The following STAB2 variants were observed in gnomAD, a reference collection of about 807,000 sequenced individuals.
The protein encoded by STAB2 is stabilin 2.
In STAB2, 288 loss-of-function variants were observed where a neutral mutation model predicts 338.1. The observed-to-expected ratio is 0.85, with a 90% CI of 0.77 to 0.94. The LOEUF (loss-of-function observed/expected upper bound fraction) is 0.94. STAB2 is among the 40% of genes least tolerant of loss of function. The pLI is 0.00. For synonymous variants in STAB2, 1,202 were observed against 1,193.3 expected, an observed-to-expected ratio of 1.01 and a Z score of -0.15; for missense variants, 3,141 against 3,210.1, an observed-to-expected ratio of 0.98 and a Z score of 0.52.
intron 3 of STAB2, among the ~76,000 whole-genome samples, chr12:103,604,826 A>G (rs1957003751): frequency 1.3e-5 from 2 of 150,690 alleles, no homozygotes; most frequent in Admixed American, 1.3e-4. Context: ...TTGCTTTTCT[A>G]ATTTTTATTT....
chr12:103,663,958 A>G (rs958354848), intron 18 of STAB2, among the ~76,000 whole-genome samples: 17 of 152,064 alleles, frequency 1.1e-4, no homozygotes, highest in African/African-American at 4.1e-4. Context: ...TGTAAGAGGG[A>G]CTTAAAATAG....
At chr12:103,709,931 T>C (rs114612043) in intron 39 of STAB2, among the ~76,000 whole-genome samples, 1,555 of 152,260 alleles carry the variant, frequency 0.01, 27 homozygotes, top group African/African-American at 0.036. Flanking sequence ...ATGCACCTGG[T>C]CACCCAATCT....
rs569084055 is a variant in STAB2 at position 103,613,615 on chromosome 12, C to T, written c.332-6853C>T. 7.2e-5 allele frequency among the ~76,000 whole-genome samples: 11 copies of T among 152,290 alleles called. No homozygotes were observed. The South Asian group carries it at 2.3e-3, about 32-fold the overall frequency. The stretch of plus-strand genomic sequence containing the variant: ...CTTTCCTTGGCTAGGAAAGGGAATT[C>T]CCTGACCCCTTGCACTTCCCGGGCG... On this transcript the variant is annotated intron_variant, in intron 3 of 68. Transcript: ENST00000388887.
intron 30 of STAB2, among the ~76,000 whole-genome samples, chr12:103,692,128 G>T (rs1274499997): frequency 6.6e-6 from 1 of 152,208 alleles, no homozygotes; most frequent in East Asian, 1.9e-4. Flanking sequence ...ATGTGGGCAG[G>T]ATTGGTTCCT....
At chr12:103,613,891 C>T (rs568102050) in intron 3 of STAB2, among the ~76,000 whole-genome samples, 10 of 152,148 alleles carry the variant, frequency 6.6e-5, no homozygotes, top group Non-Finnish European at 1.5e-4. Flanking sequence ...TCTTTTATTT[C>T]TCAGTCTTTA....
chr12:103,634,611 A>C (rs1957514647), intron 6 of STAB2, among the ~76,000 whole-genome samples: 1 of 152,254 alleles, frequency 6.6e-6, no homozygotes, highest in African/African-American at 2.4e-5. Flanking sequence ...AAATAAATGA[A>C]TCTTTTCGGT....
intron 42 of STAB2, 103 bp from the exon 43 acceptor site, chr12:103,715,712 C>T (rs11111726): frequency 0.052 from 67,927 of 1,303,174 alleles, 2,202 homozygotes; most frequent in Non-Finnish European, 0.064. Context: ...CTTTGACACC[C>T]GCTCCCTTCA....
chr12:103,690,023 C>G (rs1279535526), intron 29 of STAB2, 41 bp downstream of exon 29: 2 of 1,599,208 alleles, frequency 1.3e-6, no homozygotes, highest in Admixed American at 1.7e-5. Context: ...ATCTGAATGG[C>G]ATCTGTGTAA....
chr12:103,743,404 A>C (rs1275171771), intron 56 of STAB2, among the ~76,000 whole-genome samples: 2 of 152,148 alleles, frequency 1.3e-5, no homozygotes, highest in African/African-American at 4.8e-5. Context: ...TACAGACACA[A>C]ATTTTTCTAA....
intron 65 of STAB2, among the ~76,000 whole-genome samples, chr12:103,760,435 AT>A (rs1441841653): frequency 6.6e-6 from 1 of 152,108 alleles, no homozygotes; most frequent in Non-Finnish European, 1.5e-5. Context: ...TGATTTTTGT[AT>A]TTTTAATAGA....
chr12:103,602,761 A>T (rs1201420292), intron 3 of STAB2, among the ~76,000 whole-genome samples: 2 of 151,948 alleles, frequency 1.3e-5, no homozygotes, highest in African/African-American at 4.8e-5. Flanking sequence ...TTGTTTTCTT[A>T]TTATTGAGTT....
rs747241076 is a variant in STAB2, at chr12:103,727,328, C to A, written c.4913C>A (p.Ala1638Glu). Residue 1638 changes from alanine (A) to glutamate (E), a missense_variant, in exon 47 of 69, where the codon GCA becomes GAA. Ala to Glu is a moderately radical substitution (Grantham distance 107). Transcript: ENST00000388887. The stretch of plus-strand genomic sequence containing the variant: ...TTCACTGTTTTTGCACCTTTATCTG[C>A]AGCCTTTGATGAGGAAGCTCGGGTG... ...GPFTVFAPLSAAFDEEARVKD... is the reference protein window; with the variant it reads ...GPFTVFAPLSEAFDEEARVKD... The A allele has an allele frequency of 1.6e-5, 26 of 1,614,120 alleles. No individual in the cohort carries two copies. The South Asian group carries it at 2.9e-4, about 18-fold the overall frequency.
At chr12:103,766,148 C>CACAA (rs762903035) in intron 68 of STAB2, 138 bp from the exon 69 acceptor site, 2 of 1,183,314 alleles carry the variant, frequency 1.7e-6, no homozygotes, top group Admixed American at 1.9e-5. Flanking sequence ...AAGGCAGCAG[C>CACAA]ACAAACAAAC....
intron 37 of STAB2, 29 bp from the exon 38 acceptor site, chr12:103,706,763 C>A: frequency 6.2e-7 from 1 of 1,613,480 alleles, no homozygotes; most frequent in Admixed American, 1.7e-5. Flanking sequence ...GATAGAAGTG[C>A]GTTGTCAAGC....
intron 3 of STAB2, among the ~76,000 whole-genome samples, chr12:103,595,903 G>C (rs1474496641): frequency 6.6e-6 from 1 of 152,096 alleles, no homozygotes; most frequent in African/African-American, 2.4e-5. Context: ...TTGATTGGCA[G>C]GTCCTTTCTG....
At chr12:103,635,258 T>C (rs1957526117) in intron 6 of STAB2, among the ~76,000 whole-genome samples, 1 of 152,200 alleles carries the variant, frequency 6.6e-6, no homozygotes, top group Admixed American at 6.5e-5. Context: ...GCCACCCTTT[T>C]TGCCTGCTCG....
intron 13 of STAB2, chr12:103,654,991 G>A: frequency 1.8e-6 from 1 of 548,510 alleles, no homozygotes; most frequent in Non-Finnish European, 3.1e-6. Flanking sequence ...ATATTTTATA[G>A]AGGGCAGTTA....
chr12:103,622,645 C>T lies in STAB2; in HGVS notation c.487+534C>T, dbSNP rs112818175. ...ATTAGTTCACTTTAACATGTGTAAC[C>T]AAGTCTACATAGAGAAAACAAAACA... is the stretch of plus-strand genomic sequence containing the variant. On this transcript the variant is annotated intron_variant, in intron 5 of 68. Transcript: ENST00000388887. Among the ~76,000 whole-genome samples the T allele has an allele frequency of 6.2e-3, 951 of 152,248 alleles. 8 individuals are homozygous for T. Among genetic ancestry groups the T allele is most frequent in the African/African-American group, 0.022 (899 of 41,502 alleles).
At chr12:103,748,841 G>A (rs1883316222) in intron 58 of STAB2, 122 bp from the exon 59 acceptor site, 5 of 1,023,022 alleles carry the variant, frequency 4.9e-6, no homozygotes, top group Admixed American at 2.8e-5. Context: ...AGAGAAGCAC[G>A]AACACGCAGG....
Sources: allele counts gnomAD v4.1 joint callset (sites outside exome capture counted in the v4.1 genomes callset), GRCh38; gene constraint gnomAD v4.1.1; transcripts MANE v1.5; gene names NCBI Gene and HGNC (gene_info 2026-07-23, HGNC 2026-07-21).